FBN1: variants seen among roughly 807,000 people sequenced by gnomAD.
FBN1 encodes fibrillin 1.
In FBN1, 29 loss-of-function variants were observed where a neutral mutation model predicts 365.1. The observed-to-expected ratio is 0.08, with a 90% confidence interval of 0.06 to 0.11. FBN1 has a LOEUF of 0.11. Among genes scored for constraint, FBN1 ranks in the 10% least tolerant of loss-of-function variants. FBN1 has a pLI of 1.00. For synonymous variants in FBN1, 1,210 were observed against 1,270.5 expected (o/e 0.95, Z 1.01); for missense variants, 2,476 against 3,703.2 (o/e 0.67, Z 8.60).
intron 6 of FBN1, among the ~76,000 whole-genome samples, chr15:48,544,786 C>T (rs1465061646): frequency 6.6e-6 from 1 of 152,026 alleles, no homozygotes; most frequent in Non-Finnish European, 1.5e-5. Context: ...TTATTTGTTC[C>T]TTCACTATAA....
chr15:48,644,615 G>A lies in FBN1; in HGVS notation c.155C>T (p.Ala52Val), dbSNP rs1258637670. 13 of 1,613,996 alleles carry A rather than the reference G, an allele frequency of 8.1e-6. No homozygotes were observed. The African/African-American group carries it at 1.5e-4, about 18-fold the overall frequency. Reference sequence around the variant, plus strand: ...GAACCGGTTCCTTTACCCTTTAAGCGCGTCGTGTCCTCCACCGCCTCTTCT... The same window carrying A: ...GAACCGGTTCCTTTACCCTTTAAGCACGTCGTGTCCTCCACCGCCTCTTCT... ...AKRRGGGGHD[A>V]LKGPNVCGSR... is the part of the protein sequence containing the mutation. Residue 52 changes from alanine (A) to valine (V), a missense_variant, in exon 2 of 66, where the codon GCG (alanine) becomes GTG (valine). By Grantham distance (64) the Ala-to-Val change is moderately conservative. Transcript: ENST00000316623.
intron 8 of FBN1, among the ~76,000 whole-genome samples, chr15:48,528,788 T>C (rs771417648): frequency 6.6e-6 from 1 of 152,128 alleles, no homozygotes; most frequent in Non-Finnish European, 1.5e-5. Context: ...TATGTCCCCT[T>C]CTCAGTGACA....
intron 4 of FBN1, among the ~76,000 whole-genome samples, chr15:48,609,675 C>T (rs1164296772): frequency 6.6e-6 from 1 of 152,172 alleles, no homozygotes; most frequent in Non-Finnish European, 1.5e-5. Context: ...CCACTAACCC[C>T]CAGCACTTCC....
At chr15:48,474,437 C>T in intron 33 of FBN1, 60 bp from the exon 34 acceptor site, 4 of 1,611,764 alleles carry the variant, frequency 2.5e-6, no homozygotes, top group Non-Finnish European at 3.4e-6. Flanking sequence ...ACCAATAATA[C>T]ACAAATTAAA....
At chr15:48,469,218 G>A (rs1026966653) in intron 36 of FBN1, among the ~76,000 whole-genome samples, 2 of 134,700 alleles carry the variant, frequency 1.5e-5, no homozygotes, top group East Asian at 2.2e-4. Flanking sequence ...TTGTGACCTC[G>A]GTCAACCAAA....
Position 48,410,896 on chromosome 15 carries a change from G to C in FBN1, c.*94C>G. On this transcript the variant is annotated 3_prime_UTR_variant, in exon 66 of 66. Transcript: ENST00000316623. ...ATACAAATTTACTTGGTGAAAGATT[G>C]TACCTATGATATGATGATTCTGATT... 1 of 1,201,672 alleles carries C rather than the reference G, an allele frequency of 8.3e-7. No individual in the cohort carries two copies. Among genetic ancestry groups the C allele is most frequent in the East Asian group, 2.5e-5 (1 of 40,312 alleles). The allele number at this position is 1,201,672 out of a possible 1,614,324, so 74.4% of individuals were successfully genotyped here. A position where few individuals can be genotyped will look rare whatever the true frequency, so the allele number is the denominator to read the frequency against.
intron 2 of FBN1, among the ~76,000 whole-genome samples, chr15:48,622,801 C>T (rs1459169612): frequency 6.6e-6 from 1 of 152,140 alleles, no homozygotes; most frequent in Non-Finnish European, 1.5e-5. Context: ...TCTCAGCCCT[C>T]ACTCATGCAC....
chr15:48,510,579 T>C (rs927614891), intron 13 of FBN1, among the ~76,000 whole-genome samples: 1 of 152,170 alleles, frequency 6.6e-6, no homozygotes, highest in African/African-American at 2.4e-5. Context: ...ACATATGCTA[T>C]TTTTTTAAAC....
intron 6 of FBN1, among the ~76,000 whole-genome samples, chr15:48,544,197 T>C (rs972694623): frequency 1.3e-5 from 2 of 152,174 alleles, no homozygotes; most frequent in African/African-American, 4.8e-5. Context: ...TTAAGCTACA[T>C]GGCATTTTTA....
intron 45 of FBN1, among the ~76,000 whole-genome samples, chr15:48,450,972 G>GC (rs2043197025): frequency 6.6e-6 from 1 of 152,204 alleles, no homozygotes; most frequent in African/African-American, 2.4e-5. Flanking sequence ...CTGAATGGTT[G>GC]CAAAACTCAA....
At chr15:48,521,321 G>A (rs1201996403) in intron 9 of FBN1, among the ~76,000 whole-genome samples, 1 of 152,116 alleles carries the variant, frequency 6.6e-6, no homozygotes, top group African/African-American at 2.4e-5. Context: ...ATAAGTTTTT[G>A]TTGTTGTTGT....
chr15:48,534,771 A>G (rs577218348), intron 7 of FBN1, among the ~76,000 whole-genome samples: 1 of 152,238 alleles, frequency 6.6e-6, no homozygotes. Context: ...TGCCTTGCAC[A>G]GTAAAAATTA....
intron 65 of FBN1, 106 bp from the exon 66 acceptor site, chr15:48,411,485 T>C: frequency 1.0e-6 from 1 of 981,552 alleles, no homozygotes; most frequent in South Asian, 1.3e-5. Context: ...ATTTTCTGCC[T>C]TATGCTGCAT....
At chr15:48,571,924 T>A (rs1597611861) in intron 6 of FBN1, among the ~76,000 whole-genome samples, 1 of 152,226 alleles carries the variant, frequency 6.6e-6, no homozygotes, top group Non-Finnish European at 1.5e-5. Context: ...AAACATATAA[T>A]ACAAACTGAA....
chr15:48,468,673 C>T, intron 36 of FBN1, 139 bp from the exon 37 acceptor site: 1 of 830,836 alleles, frequency 1.2e-6, no homozygotes, highest in Non-Finnish European at 2.0e-6. Context: ...GAAATGCAGT[C>T]TTCCACTTCA....
At chr15:48,472,421 G>A in intron 35 of FBN1, 130 bp downstream of exon 35, 2 of 1,283,982 alleles carry the variant, frequency 1.6e-6, no homozygotes. Context: ...AAACTGAACT[G>A]ACCAGCTTAG....
intron 6 of FBN1, among the ~76,000 whole-genome samples, chr15:48,555,642 G>C (rs1465648459): frequency 1.3e-5 from 2 of 152,134 alleles, no homozygotes; most frequent in Non-Finnish European, 2.9e-5. Context: ...TCCTTAGGAG[G>C]AGAGAGTCTT....
chr15:48,487,250 T>C (rs750017277), intron 28 of FBN1, 50 bp from the exon 29 acceptor site: 16 of 1,614,130 alleles, frequency 9.9e-6, no homozygotes, highest in Non-Finnish European at 1.4e-5. Context: ...CTTCCAACTT[T>C]GGCAATGATG....
chr15:48,503,609 A>G (rs908262350), intron 17 of FBN1, among the ~76,000 whole-genome samples, 178 bp downstream of exon 17: 6 of 152,246 alleles, frequency 3.9e-5, no homozygotes, highest in Non-Finnish European at 8.8e-5. Flanking sequence ...CCAAATAATT[A>G]TGAGGCTTAG....
Sources: allele counts gnomAD v4.1 joint callset (sites outside exome capture counted in the v4.1 genomes callset), GRCh38; gene constraint gnomAD v4.1.1; transcripts MANE v1.5; gene names NCBI Gene and HGNC (gene_info 2026-07-23, HGNC 2026-07-21).